DMXL1: variants seen among roughly 807,000 people sequenced by gnomAD.
DMXL1 encodes dmX-like protein 1.
In DMXL1, 99 loss-of-function variants were observed where a neutral mutation model predicts 319.2. The observed-to-expected ratio is 0.31, with a 90% CI of 0.26 to 0.37. The LOEUF (loss-of-function observed/expected upper bound fraction) is 0.37, where lower values mean the gene tolerates loss of function less well. Among genes scored for constraint, DMXL1 ranks in the 10% least tolerant of loss-of-function variants. The probability of loss-of-function intolerance (pLI) is 1.00; values close to 1 mark genes in which losing one functional copy is unlikely to be tolerated. For missense variants in DMXL1, 3,745 were observed against 3,595.6 expected (o/e 1.04, Z -1.06); for synonymous variants, 1,385 against 1,235.2 (o/e 1.12, Z -2.54).
intron 1 of DMXL1, among the ~76,000 whole-genome samples, chr5:119,079,296 C>T (rs897675203): frequency 3.3e-5 from 5 of 152,230 alleles, no homozygotes; most frequent in African/African-American, 1.2e-4. Context: ...TTCCTTCTCT[C>T]CTCCTGGTAC....
At chr5:119,116,787 C>T (rs1211317929) in intron 7 of DMXL1, among the ~76,000 whole-genome samples, 2 of 152,142 alleles carry the variant, frequency 1.3e-5, no homozygotes, top group African/African-American at 4.8e-5. Context: ...TATTTGACTA[C>T]ACCCAGCATA....
chr5:119,101,733 T>G (rs138304759), intron 2 of DMXL1, among the ~76,000 whole-genome samples: 1 of 152,342 alleles, frequency 6.6e-6, no homozygotes. Flanking sequence ...TTGGAGAGAT[T>G]AAGTTGCTAG....
chr5:119,246,914 T>G, intron 43 of DMXL1, 81 bp from the exon 44 acceptor site: 126 of 1,052,662 alleles, frequency 1.2e-4, no homozygotes, highest in Non-Finnish European at 1.5e-4. Flanking sequence ...ATTACAGGCA[T>G]GAGCCACCGC....
intron 35 of DMXL1, among the ~76,000 whole-genome samples, chr5:119,219,562 TTA>T (rs1784298074): frequency 4.6e-5 from 7 of 151,434 alleles, no homozygotes; most frequent in African/African-American, 1.7e-4. Flanking sequence ...ATTTAATTAA[TTA>T]ATTAATTTAT....
At chr5:119,174,344 C>T (rs1290745072) in intron 25 of DMXL1, among the ~76,000 whole-genome samples, 2 of 152,002 alleles carry the variant, frequency 1.3e-5, no homozygotes, top group Non-Finnish European at 1.5e-5. Context: ...CTGTTGGGTC[C>T]TCTTGGTCGA....
rs12653377 is a variant in DMXL1, at chr5:119,124,644, C to A, written c.1102+3505C>A. Reference sequence around the variant, plus strand: ...GCAGTGGTGTAATCAAGGCTCACTGCAACCTCTGCCTCTCGGGTTCAAGTG... The same window carrying A: ...GCAGTGGTGTAATCAAGGCTCACTGAAACCTCTGCCTCTCGGGTTCAAGTG... On this transcript the variant is annotated intron_variant, in intron 9 of 43. Coordinates refer to ENST00000539542, the MANE Select transcript of DMXL1 (RefSeq NM_001290321.3). Among the ~76,000 whole-genome samples, 67 of 148,316 alleles carry A rather than the reference C, an allele frequency of 4.5e-4. 1 individual carries two copies. Among genetic ancestry groups the A allele is most frequent in the East Asian group, 2.6e-3 (13 of 4,918 alleles).
chr5:119,121,627 G>A lies in DMXL1; in HGVS notation c.1102+488G>A, dbSNP rs559688350. Among the ~76,000 whole-genome samples, 30 of 152,276 alleles carry A rather than the reference G, an allele frequency of 2.0e-4. No homozygotes were observed. In the East Asian group the frequency reaches 5.4e-3, roughly 27 times the overall value. On this transcript the variant is annotated intron_variant, in intron 9 of 43. Coordinates refer to ENST00000539542, the MANE Select transcript of DMXL1 (RefSeq NM_001290321.3). ...GGTCACAGATCAACAGGATCCCAAGGCAGAAGAATTTTTCTTAGTACAGAA... is the reference window on the plus strand; with the variant it reads ...GGTCACAGATCAACAGGATCCCAAGACAGAAGAATTTTTCTTAGTACAGAA...
At chr5:119,098,446 A>T (rs1756479974) in intron 2 of DMXL1, among the ~76,000 whole-genome samples, 2 of 103,536 alleles carry the variant, frequency 1.9e-5, no homozygotes, top group African/African-American at 8.1e-5. Flanking sequence ...AATGATTTAG[A>T]ATATTTTTTT....
At chr5:119,072,850 A>G (rs1180570559) in intron 1 of DMXL1, among the ~76,000 whole-genome samples, 4 of 152,162 alleles carry the variant, frequency 2.6e-5, no homozygotes, top group Non-Finnish European at 5.9e-5. Context: ...CAGCCTGAAT[A>G]CTTGGGAAAA....
In DMXL1 at chr5:119,247,461, TATAATC is replaced by T. The variant is rs1789992086; in HGVS notation, c.*244_*249del. On this transcript the variant is annotated 3_prime_UTR_variant, in exon 44 of 44. Transcript: ENST00000539542. ...TGTAATAATACATATCATAGTATAT[TATAATC>T]AGTATGTCATAGTGTTAAAGGTGTT... 3.1e-6 allele frequency: 1 copy of T among 322,328 alleles called. No individual in the cohort carries two copies. Among genetic ancestry groups the T allele is most frequent in the East Asian group, 5.5e-5 (1 of 18,194 alleles). The allele number at this position is 322,328 out of a possible 1,614,324, so 20.0% of individuals were successfully genotyped here.
intron 34 of DMXL1, among the ~76,000 whole-genome samples, chr5:119,208,300 G>A (rs1184717344): frequency 6.7e-6 from 1 of 148,912 alleles, no homozygotes; most frequent in South Asian, 2.1e-4. Context: ...TGCAAGCTCC[G>A]CCTCCCGGGT....
chr5:119,218,729 G>T (rs1263512361), intron 35 of DMXL1, among the ~76,000 whole-genome samples: 1 of 152,184 alleles, frequency 6.6e-6, no homozygotes, highest in African/African-American at 2.4e-5. Context: ...AAAGTGCTGG[G>T]ATTACAGGCG....
At chr5:119,075,529 G>A (rs1236214076) in intron 1 of DMXL1, among the ~76,000 whole-genome samples, 2 of 151,992 alleles carry the variant, frequency 1.3e-5, no homozygotes, top group East Asian at 3.9e-4. Flanking sequence ...GTGAGCCACC[G>A]CGCCCTGCCT....
chr5:119,114,392 T>C, intron 5 of DMXL1, 83 bp from the exon 6 acceptor site: 1 of 971,328 alleles, frequency 1.0e-6, no homozygotes, highest in Admixed American at 2.3e-5. Context: ...TTTGAACCAA[T>C]TGCTGATTTA....
In DMXL1 at chr5:119,143,827, T is replaced by C. The variant is rs1201465477; in HGVS notation, c.2377-14T>C. 2 of 1,543,258 alleles carry C rather than the reference T, an allele frequency of 1.3e-6. No homozygotes were observed. Among genetic ancestry groups the C allele is most frequent in the Admixed American group, 4.1e-5 (2 of 48,926 alleles). On this transcript the variant is annotated splice_polypyrimidine_tract_variant and intron_variant, in intron 13 of 43. Transcript: ENST00000539542. ...AATTGTTTAGTAAATTATAAATTTT[T>C]TTAAAAAAAACAGAAATATGTTGGT... is the stretch of plus-strand genomic sequence containing the variant.
intron 31 of DMXL1, 32 bp downstream of exon 31, chr5:119,196,488 C>T: frequency 1.4e-6 from 2 of 1,427,948 alleles, no homozygotes; most frequent in Non-Finnish European, 2.0e-6. Flanking sequence ...GCTAATGGTG[C>T]CATTGCTTTT....
chr5:119,152,074 G>T, intron 19 of DMXL1, 38 bp downstream of exon 19: 1 of 1,416,206 alleles, frequency 7.1e-7, no homozygotes, highest in South Asian at 1.3e-5. Context: ...GAAATAAAGC[G>T]AGTAGAAAAT....
chr5:119,220,535 A>T lies in DMXL1; in HGVS notation c.8077A>T (p.Ile2693Phe), dbSNP rs571585995. Residue 2693 changes from isoleucine (I) to phenylalanine (F), a missense_variant, in exon 36 of 44, where the codon ATT becomes TTT. Ile to Phe is a conservative substitution (Grantham distance 21, BLOSUM62 0). This residue lies in a region of DMXL1 where 1,382 missense variants were observed against 1,269.5 expected (regional missense o/e 1.09). Coordinates refer to ENST00000539542, the MANE Select transcript of DMXL1 (RefSeq NM_001290321.3). ...TGTTCAAGAACTGGATGTTTCTGGA[A>T]TTCTGGCCACACAGGTCTACACTTG... ...HDVQELDVSG[I>F]LATQVYTWVD... 1 of 1,613,994 alleles carries T rather than the reference A, an allele frequency of 6.2e-7. No homozygotes were observed. Among genetic ancestry groups the T allele is most frequent in the Non-Finnish European group, 8.5e-7 (1 of 1,179,890 alleles).
chr5:119,239,952 T>TC (rs1420390699), intron 41 of DMXL1, among the ~76,000 whole-genome samples: 1 of 101,184 alleles, frequency 9.9e-6, no homozygotes, highest in African/African-American at 3.5e-5. Flanking sequence ...AGTGTAAAAC[T>TC]CCATCTCAAA....
Sources: allele counts gnomAD v4.1 joint callset (sites outside exome capture counted in the v4.1 genomes callset), GRCh38; gene constraint gnomAD v4.1.1; regional missense constraint gnomAD v4.1.1; transcripts MANE v1.5; gene names NCBI Gene and HGNC (gene_info 2026-07-23, HGNC 2026-07-21).